Variants in HOMER2 observed in about 807,000 individuals in gnomAD.
HOMER2 encodes homer protein homolog 2.
A neutral mutation model predicts 47.0 loss-of-function variants in HOMER2; 27 were observed. The observed-to-expected ratio is 0.57, with a 90% CI of 0.42 to 0.79. The LOEUF (loss-of-function observed/expected upper bound fraction) is 0.79, where lower values mean the gene tolerates loss of function less well. Among genes scored for constraint, HOMER2 ranks in the 30% least tolerant of loss-of-function variants. HOMER2 has a pLI of 0.00. For synonymous variants in HOMER2, 161 were observed against 163.8 expected, an observed-to-expected ratio of 0.98 and a Z score of 0.13; for missense variants, 443 against 435.0, an observed-to-expected ratio of 1.02 and a Z score of -0.16.
At chr15:82,861,637 TTTTGAAAACTTAA>T (rs2051793522) in intron 4 of HOMER2, among the ~76,000 whole-genome samples, 1 of 152,228 alleles carries the variant, frequency 6.6e-6, no homozygotes, top group Non-Finnish European at 1.5e-5. Context: ...AATCCAACTA[TTTTGAAAACTTAA>T]TCAAAGTGTT....
At chr15:82,868,860 T>C (rs1292421149) in intron 3 of HOMER2, among the ~76,000 whole-genome samples, 1 of 151,586 alleles carries the variant, frequency 6.6e-6, no homozygotes. Flanking sequence ...TATATATATA[T>C]ATATATATTT....
chr15:82,962,607 G>A (rs545805108), intron 1 of HOMER2, among the ~76,000 whole-genome samples: 27 of 152,100 alleles, frequency 1.8e-4, no homozygotes, highest in African/African-American at 6.0e-4. Flanking sequence ...AACCCGGGAG[G>A]TGGAGGTTGC....
At chr15:82,839,492 T>C (rs1165357276) in exon 2 of HOMER2, 1 of 152,220 alleles carries the variant, frequency 6.6e-6, no homozygotes, top group Non-Finnish European at 1.5e-5. Context: ...TTCTGAAAGA[T>C]TTCTGTTGAC....
At chr15:82,878,336 AC>A (rs1425821496) in intron 2 of HOMER2, among the ~76,000 whole-genome samples, 7 of 151,996 alleles carry the variant, frequency 4.6e-5, no homozygotes, top group African/African-American at 1.7e-4. Context: ...ACAGTCTTTA[AC>A]CCCCATTTTT....
chr15:82,851,441 C>T (rs2051392444), intron 7 of HOMER2, among the ~76,000 whole-genome samples: 1 of 152,170 alleles, frequency 6.6e-6, no homozygotes, highest in South Asian at 2.1e-4. Context: ...CTGTACACAC[C>T]ACCACAAGGC....
At chr15:82,957,606 C>T (rs2054597483), upstream of HOMER2, among the ~76,000 whole-genome samples, 1 of 152,126 alleles carries the variant, frequency 6.6e-6, no homozygotes, top group South Asian at 2.1e-4. Flanking sequence ...CTACAGGGCA[C>T]CTAAGGATCA....
At chr15:82,980,052 G>A (rs188034500) in intron 1 of HOMER2, among the ~76,000 whole-genome samples, 25 of 152,214 alleles carry the variant, frequency 1.6e-4, no homozygotes, top group African/African-American at 6.0e-4. Flanking sequence ...GAGGAAGAGG[G>A]AATCAGCCAA....
chr15:82,948,254 G>C (rs952645903), intron 1 of HOMER2, among the ~76,000 whole-genome samples: 1 of 152,176 alleles, frequency 6.6e-6, no homozygotes, highest in South Asian at 2.1e-4. Flanking sequence ...AGCTGGGCGT[G>C]GTGGCGGGCG....
chr15:82,868,541 A>ATATATATATATTTTTTTTT, intron 3 of HOMER2, among the ~76,000 whole-genome samples: 2 of 71,284 alleles, frequency 2.8e-5, no homozygotes, highest in Non-Finnish European at 5.6e-5. Context: ...ATATATATAT[A>ATATATATATATTTTTTTTT]TTTTTTTTTT....
At chr15:82,850,590 G>A (rs865810728) in intron 8 of HOMER2, among the ~76,000 whole-genome samples, 15 of 152,222 alleles carry the variant, frequency 9.9e-5, no homozygotes, top group Non-Finnish European at 1.6e-4. Context: ...TTTATGTTGA[G>A]GGAATAAACA....
upstream of HOMER2, among the ~76,000 whole-genome samples, chr15:82,953,946 G>GTCCCAGCTAC (rs1189755572): frequency 6.6e-6 from 1 of 151,882 alleles, no homozygotes; most frequent in African/African-American, 2.4e-5. Flanking sequence ...TGCTCCTGTA[G>GTCCCAGCTAC]TCCCAGCTAC....
intron 2 of HOMER2, 46 bp from the exon 3 acceptor site, chr15:82,875,450 GAC>G (rs972794836): frequency 1.3e-6 from 2 of 1,597,342 alleles, no homozygotes; most frequent in Non-Finnish European, 1.7e-6. Context: ...TGTTGAATGA[GAC>G]AAAGTCATTC....
intron 2 of HOMER2, among the ~76,000 whole-genome samples, chr15:82,875,790 G>A (rs1401916484): frequency 1.3e-5 from 2 of 152,212 alleles, no homozygotes; most frequent in Non-Finnish European, 2.9e-5. Context: ...GCACTATGTC[G>A]CTTTATGAGT....
chr15:82,910,132 CAAAAAAAAAAA>C (rs35191408), intron 1 of HOMER2, among the ~76,000 whole-genome samples: 41 of 22,136 alleles, frequency 1.9e-3, no homozygotes, highest in Non-Finnish European at 3.4e-3. Flanking sequence ...GATTCTGTCT[CAAAAAAAAAAA>C]AAAAAAAAAA....
At chr15:82,973,825 G>T (rs2030098118) in intron 1 of HOMER2, among the ~76,000 whole-genome samples, 1 of 152,154 alleles carries the variant, frequency 6.6e-6, no homozygotes, top group Admixed American at 6.5e-5. Context: ...CAGCACTTTG[G>T]GAGGCTGAGG....
chr15:82,854,308 G>A (rs1457666393), intron 6 of HOMER2, among the ~76,000 whole-genome samples: 1 of 152,152 alleles, frequency 6.6e-6, no homozygotes, highest in Non-Finnish European at 1.5e-5. Flanking sequence ...CGGAGGCTGA[G>A]GCAAGAGAAT....
At position 82,934,663 on chromosome 15, in the gene HOMER2, C is replaced by G. The variant is rs191936746; in HGVS notation, c.5+17868G>C. Among the ~76,000 whole-genome samples the G allele has an allele frequency of 5.5e-3, 837 of 152,300 alleles. 8 individuals carry two copies. Among genetic ancestry groups the G allele is most frequent in the African/African-American group, 0.019 (793 of 41,560 alleles). Reference sequence around the variant, plus strand: ...ACCAATCCCCGGTGGATCCTGCCCCCCTGCCTGGCCGAACCCCAGCCTGAT... The same window carrying G: ...ACCAATCCCCGGTGGATCCTGCCCCGCTGCCTGGCCGAACCCCAGCCTGAT... On this transcript the variant is annotated intron_variant, in intron 1 of 8. Coordinates refer to ENST00000450735, the MANE Select transcript of HOMER2 (RefSeq NM_004839.4).
intron 1 of HOMER2, among the ~76,000 whole-genome samples, chr15:82,923,137 C>T (rs1383388498): frequency 6.6e-6 from 1 of 152,104 alleles, no homozygotes; most frequent in Non-Finnish European, 1.5e-5. Context: ...GGCTGCAAGT[C>T]CCCTTGGGTA....
At position 82,857,116 on chromosome 15, in the gene HOMER2, G is replaced by A. The variant is rs114306179; in HGVS notation, c.494+1913C>T. 7.5e-3 allele frequency among the ~76,000 whole-genome samples: 1,147 copies of A among 152,098 alleles called. 19 individuals carry two copies. Among genetic ancestry groups the A allele is most frequent in the African/African-American group, 0.026 (1,090 of 41,458 alleles). Reference sequence around the variant, plus strand: ...TGATGGTCTTAGGAGGCGGGGGGGCGGGTGTTGAGAGGTAACTAGGATTAG... The same window carrying A: ...TGATGGTCTTAGGAGGCGGGGGGGCAGGTGTTGAGAGGTAACTAGGATTAG... On this transcript the variant is annotated intron_variant, in intron 5 of 8. Transcript: ENST00000450735.
Sources: allele counts gnomAD v4.1 joint callset (sites outside exome capture counted in the v4.1 genomes callset), GRCh38; gene constraint gnomAD v4.1.1; transcripts MANE v1.5; gene names NCBI Gene and HGNC (gene_info 2026-07-23, HGNC 2026-07-21).